Variants in PCLO observed in about 807,000 individuals in gnomAD.
The protein encoded by PCLO is protein piccolo.
Under a neutral mutation model 427.5 loss-of-function variants are expected in PCLO, and 82 were observed. The observed-to-expected ratio is 0.19, with a 90% CI of 0.16 to 0.23. The LOEUF (loss-of-function observed/expected upper bound fraction) is 0.23. Ranked by LOEUF, PCLO falls within the 10% of genes least tolerant of loss-of-function variation. The pLI, the probability that PCLO is intolerant of heterozygous loss-of-function variation, is 1.00. For synonymous variants in PCLO, 2,357 were observed against 2,155.4 expected (o/e 1.09, Z -2.59); for missense variants, 6,239 against 6,115.9 (o/e 1.02, Z -0.67).
At chr7:82,842,386 C>A (rs1283610367) in intron 13 of PCLO, among the ~76,000 whole-genome samples, 1 of 152,018 alleles carries the variant, frequency 6.6e-6, no homozygotes, top group Non-Finnish European at 1.5e-5. Flanking sequence ...ATACAAAAAT[C>A]ATCTCAAAAT....
Position 82,758,304 on chromosome 7 carries a change from C to G in PCLO, c.*271G>C, listed in dbSNP as rs951714318. Reference sequence around the variant, plus strand: ...CTCAAAGATTATTGTCTTAAGTAATCAAAATTTGTTTCACAGTTTCTCTTC... The same window carrying G: ...CTCAAAGATTATTGTCTTAAGTAATGAAAATTTGTTTCACAGTTTCTCTTC... On this transcript the variant is annotated 3_prime_UTR_variant, in exon 25 of 25. Transcript: ENST00000333891. 39 of 296,178 alleles carry G rather than the reference C, an allele frequency of 1.3e-4. No homozygotes were observed. The highest frequency in any genetic ancestry group is 6.6e-4 in the African/African-American group (30 of 45,734). 18.3% of individuals were successfully genotyped at this position (296,178 alleles called of 1,614,324 possible).
intron 3 of PCLO, among the ~76,000 whole-genome samples, chr7:83,048,821 A>G (rs554930867): frequency 6.6e-6 from 1 of 152,148 alleles, no homozygotes; most frequent in African/African-American, 2.4e-5. Context: ...ATATTCCTTT[A>G]TGTTTTTTCA....
chr7:83,121,137 A>G (rs1187872317), intron 3 of PCLO, among the ~76,000 whole-genome samples: 1 of 120,782 alleles, frequency 8.3e-6, no homozygotes, highest in Non-Finnish European at 1.7e-5. Flanking sequence ...AAAAACAAAC[A>G]AACAAACAAA....
At chr7:83,035,311 G>A (rs1042428835) in intron 3 of PCLO, among the ~76,000 whole-genome samples, 1 of 152,136 alleles carries the variant, frequency 6.6e-6, no homozygotes, top group East Asian at 1.9e-4. Flanking sequence ...GTTCAAGGTT[G>A]TATCTTTTAT....
At chr7:83,053,895 G>A (rs1225300775) in intron 3 of PCLO, among the ~76,000 whole-genome samples, 1 of 151,920 alleles carries the variant, frequency 6.6e-6, no homozygotes, top group Non-Finnish European at 1.5e-5. Flanking sequence ...TCACTTCAGA[G>A]ATGTTGAAAT....
chr7:82,769,445 T>A (rs1790602155), intron 22 of PCLO, among the ~76,000 whole-genome samples: 2 of 152,152 alleles, frequency 1.3e-5, no homozygotes, highest in African/African-American at 4.8e-5. Flanking sequence ...ATATTTCTTT[T>A]TTATTACATT....
chr7:82,825,687 C>T (rs925422835), intron 18 of PCLO, among the ~76,000 whole-genome samples: 1 of 146,750 alleles, frequency 6.8e-6, no homozygotes, highest in African/African-American at 2.5e-5. Context: ...TGTATATATA[C>T]ATTATATATA....
At chr7:82,823,224 A>G (rs868650888) in intron 19 of PCLO, among the ~76,000 whole-genome samples, 2 of 152,178 alleles carry the variant, frequency 1.3e-5, no homozygotes, top group Non-Finnish European at 2.9e-5. Flanking sequence ...AGTGGAACCC[A>G]TAAATGATCT....
intron 16 of PCLO, among the ~76,000 whole-genome samples, chr7:82,830,418 T>A (rs1165750530): frequency 6.6e-6 from 1 of 151,992 alleles, no homozygotes; most frequent in South Asian, 2.1e-4. Context: ...ATAGAAATAA[T>A]ACATATAAAT....
At chr7:83,024,538 C>T (rs1039936304) in intron 3 of PCLO, among the ~76,000 whole-genome samples, 3 of 152,136 alleles carry the variant, frequency 2.0e-5, no homozygotes, top group Non-Finnish European at 2.9e-5. Flanking sequence ...GAGGGGCGCC[C>T]GCCATTGCCC....
At chr7:82,789,566 C>A (rs574722300) in intron 22 of PCLO, among the ~76,000 whole-genome samples, 9 of 152,016 alleles carry the variant, frequency 5.9e-5, no homozygotes, top group African/African-American at 1.9e-4. Flanking sequence ...GTTAACTGGG[C>A]GTGGTGGCAG....
chr7:82,909,085 T>G, intron 7 of PCLO, 72 bp from the exon 8 acceptor site: 1 of 1,479,170 alleles, frequency 6.8e-7, no homozygotes, highest in Non-Finnish European at 9.4e-7. Flanking sequence ...GCAGATGTTC[T>G]GTAGTACTAG....
chr7:82,938,193 G>C (rs920676518), intron 6 of PCLO, among the ~76,000 whole-genome samples: 3 of 151,810 alleles, frequency 2.0e-5, no homozygotes, highest in Admixed American at 6.6e-5. Context: ...TGTTTAATTT[G>C]CTTTAAAGAA....
chr7:83,115,148 G>A (rs1317095914), intron 3 of PCLO, among the ~76,000 whole-genome samples: 3 of 152,038 alleles, frequency 2.0e-5, no homozygotes, highest in Admixed American at 1.3e-4. Context: ...AATATTAATG[G>A]GCATCCTTGC....
At chr7:83,123,847 T>C (rs891187629) in intron 3 of PCLO, among the ~76,000 whole-genome samples, 1 of 150,544 alleles carries the variant, frequency 6.6e-6, no homozygotes, top group Non-Finnish European at 1.5e-5. Context: ...ATCCCAGCAC[T>C]TTTGGAGTCC....
chr7:83,050,326 G>C (rs1472395323), intron 3 of PCLO, among the ~76,000 whole-genome samples: 1 of 127,574 alleles, frequency 7.8e-6, no homozygotes, highest in Non-Finnish European at 1.6e-5. Flanking sequence ...AAACCAATTA[G>C]AATATTATCT....
rs557083698 is a variant in PCLO at position 83,011,000 on chromosome 7, A to C, written c.3301-44513T>G. Among the ~76,000 whole-genome samples, 6 of 152,112 alleles carry C rather than the reference A, an allele frequency of 3.9e-5. No individual in the cohort carries two copies. In the East Asian group the frequency reaches 1.2e-3, roughly 29 times the overall value. ...ACCTCTGGCATAATTTCCACTGCCG[A>C]ACTATATGAGAATCTCAGCACACAC... On this transcript the variant is annotated intron_variant, in intron 3 of 24. Coordinates refer to ENST00000333891, the MANE Select transcript of PCLO (RefSeq NM_033026.6).
chr7:83,016,708 T>C (rs1427162065), intron 3 of PCLO, among the ~76,000 whole-genome samples: 1 of 152,092 alleles, frequency 6.6e-6, no homozygotes, highest in Non-Finnish European at 1.5e-5. Flanking sequence ...GTACTATGTG[T>C]AACATGGGAA....
At chr7:83,005,453 C>G (rs1230494975) in intron 3 of PCLO, among the ~76,000 whole-genome samples, 2 of 151,448 alleles carry the variant, frequency 1.3e-5, no homozygotes. Context: ...AAGGGTAAAA[C>G]GTTTTAGTTA....
Sources: gnomAD v4.1 joint callset for allele counts (sites outside exome capture counted in the v4.1 genomes callset) on GRCh38, gnomAD v4.1.1 for gene constraint, MANE v1.5 for transcripts, NCBI Gene and HGNC (gene_info 2026-07-23, HGNC 2026-07-21) for gene names.